Variants in GRM7 observed in about 807,000 individuals in gnomAD.
GRM7 encodes the protein metabotropic glutamate receptor 7.
GRM7 carries 35 observed loss-of-function variants against 84.5 expected under a neutral mutation model. That is an observed-to-expected ratio of 0.41 (90% CI 0.32 to 0.55). The LOEUF is 0.55. Ranked by LOEUF, GRM7 falls within the 20% of genes least tolerant of loss-of-function variation. The pLI is 0.19. For missense variants in GRM7, 1,003 were observed against 1,194.6 expected (o/e 0.84, Z 2.36); for synonymous variants, 487 against 455.1 (o/e 1.07, Z -0.89).
At chr3:6,972,277 T>C (rs983419924) in intron 1 of GRM7, among the ~76,000 whole-genome samples, 2 of 152,172 alleles carry the variant, frequency 1.3e-5, no homozygotes, top group Non-Finnish European at 2.9e-5. Context: ...CCTGTGAATT[T>C]TCTCTGAGTT....
At chr3:7,244,903 C>G (rs1697699613) in intron 2 of GRM7, among the ~76,000 whole-genome samples, 2 of 151,892 alleles carry the variant, frequency 1.3e-5, no homozygotes, top group African/African-American at 4.8e-5. Flanking sequence ...ATCATTATAA[C>G]TATGTTTAAG....
intron 8 of GRM7, among the ~76,000 whole-genome samples, chr3:7,597,740 G>A (rs975568831): frequency 1.3e-5 from 2 of 151,992 alleles, no homozygotes; most frequent in African/African-American, 4.8e-5. Context: ...TTTTTGCTAG[G>A]ACCATGGATG....
At chr3:7,018,481 A>C (rs146464240) in intron 1 of GRM7, among the ~76,000 whole-genome samples, 16 of 152,366 alleles carry the variant, frequency 1.1e-4, no homozygotes, top group Non-Finnish European at 1.3e-4. Context: ...CCCTTTGTGC[A>C]AAGGTGGCCC....
intron 8 of GRM7, among the ~76,000 whole-genome samples, chr3:7,580,618 C>G (rs926912206): frequency 6.6e-6 from 1 of 152,082 alleles, no homozygotes; most frequent in African/African-American, 2.4e-5. Flanking sequence ...TAATTTTGAA[C>G]TGTGTTTTTA....
intron 6 of GRM7, among the ~76,000 whole-genome samples, chr3:7,454,995 G>A (rs1022236647): frequency 3.3e-5 from 5 of 151,942 alleles, no homozygotes; most frequent in Non-Finnish European, 7.4e-5. Context: ...GCTAGGGCAG[G>A]GAAAGTCCAA....
intron 1 of GRM7, among the ~76,000 whole-genome samples, chr3:6,937,267 T>C (rs1290109446): frequency 6.6e-6 from 1 of 152,196 alleles, no homozygotes; most frequent in Non-Finnish European, 1.5e-5. Context: ...TTCCACCTCA[T>C]CAGAAGAATG....
intron 3 of GRM7, among the ~76,000 whole-genome samples, chr3:7,302,734 C>A (rs1168002459): frequency 1.3e-5 from 2 of 151,754 alleles, no homozygotes; most frequent in African/African-American, 2.4e-5. Flanking sequence ...TTGTGGAAAT[C>A]AAACTAAGTA....
chr3:7,157,256 G>A (rs1259922091), intron 2 of GRM7, among the ~76,000 whole-genome samples: 2 of 152,080 alleles, frequency 1.3e-5, no homozygotes, highest in Non-Finnish European at 2.9e-5. Flanking sequence ...GTTGACTGAC[G>A]ATTCCATAAG....
At chr3:7,116,429 T>C (rs536965297) in intron 1 of GRM7, among the ~76,000 whole-genome samples, 1 of 152,272 alleles carries the variant, frequency 6.6e-6, no homozygotes, top group East Asian at 1.9e-4. Context: ...CCCAGAGAAA[T>C]CTGGCTGATC....
chr3:7,375,666 C>T (rs1183819741), intron 4 of GRM7, among the ~76,000 whole-genome samples: 4 of 152,164 alleles, frequency 2.6e-5, no homozygotes, highest in African/African-American at 7.2e-5. Context: ...TTTTGCTCCA[C>T]CTCCATCCAA....
At chr3:7,178,279 G>A (rs1241255463) in intron 2 of GRM7, among the ~76,000 whole-genome samples, 1 of 152,116 alleles carries the variant, frequency 6.6e-6, no homozygotes, top group Non-Finnish European at 1.5e-5. Flanking sequence ...AATTGACTTA[G>A]AAGCTTTTTT....
At chr3:7,681,712 T>C (rs1039779136) in intron 9 of GRM7, 2 of 152,178 alleles carry the variant, frequency 1.3e-5, no homozygotes, top group Non-Finnish European at 2.9e-5. Context: ...TTCAGTGTGA[T>C]GTAGGAAGAG....
At chr3:7,028,800 C>T (rs1696074665) in intron 1 of GRM7, among the ~76,000 whole-genome samples, 1 of 152,170 alleles carries the variant, frequency 6.6e-6, no homozygotes, top group Non-Finnish European at 1.5e-5. Flanking sequence ...AGACTGACCA[C>T]ACCAAGTGTT....
intron 7 of GRM7, among the ~76,000 whole-genome samples, chr3:7,502,430 GT>G (rs1418105259): frequency 6.6e-6 from 1 of 152,070 alleles, no homozygotes; most frequent in Non-Finnish European, 1.5e-5. Context: ...CTAGGTCTCA[GT>G]TTCCTAACAT....
chr3:7,377,375 T>C (rs1171051914), intron 4 of GRM7, among the ~76,000 whole-genome samples: 1 of 152,212 alleles, frequency 6.6e-6, no homozygotes, highest in Non-Finnish European at 1.5e-5. Flanking sequence ...ATTTTGTTTA[T>C]CTGAAACTGA....
chr3:7,366,017 C>T (rs1057445559), intron 4 of GRM7, among the ~76,000 whole-genome samples: 2 of 150,128 alleles, frequency 1.3e-5, no homozygotes, highest in South Asian at 2.1e-4. Flanking sequence ...ACTATAAAAC[C>T]ATGTATGGTC....
chr3:7,122,318 G>A (rs1052646603), intron 1 of GRM7, among the ~76,000 whole-genome samples: 6 of 151,980 alleles, frequency 3.9e-5, no homozygotes, highest in Non-Finnish European at 7.4e-5. Flanking sequence ...GATGAAAGAG[G>A]TAAAAAGCCC....
At chr3:7,015,411 A>G (rs1695529203) in intron 1 of GRM7, among the ~76,000 whole-genome samples, 1 of 152,204 alleles carries the variant, frequency 6.6e-6, no homozygotes, top group Admixed American at 6.5e-5. Flanking sequence ...TTAATGAGTA[A>G]ATGGATTAAT....
intron 1 of GRM7, among the ~76,000 whole-genome samples, chr3:7,054,773 C>G (rs1574841500): frequency 6.6e-6 from 1 of 151,758 alleles, no homozygotes; most frequent in African/African-American, 2.4e-5. Context: ...ACCCATCGTT[C>G]TCCTCTTAAC....
Sources: gnomAD v4.1 joint callset for allele counts (sites outside exome capture counted in the v4.1 genomes callset) on GRCh38, gnomAD v4.1.1 for gene constraint, MANE v1.5 for transcripts, NCBI Gene and HGNC (gene_info 2026-07-23, HGNC 2026-07-21) for gene names.